Variants in TSGA10 observed in about 807,000 individuals in gnomAD.
The protein encoded by TSGA10 is testis-specific gene 10 protein.
TSGA10 carries 43 observed loss-of-function variants against 96.6 expected under a neutral mutation model. That is an observed-to-expected ratio of 0.44 (90% CI 0.35 to 0.57). The LOEUF is 0.57. Among genes scored for constraint, TSGA10 ranks in the 20% least tolerant of loss-of-function variants. The pLI is 0.01. For synonymous variants in TSGA10, 229 were observed against 269.9 expected (o/e 0.85, Z 1.48); for missense variants, 703 against 834.4 (o/e 0.84, Z 1.94).
intron 20 of TSGA10, among the ~76,000 whole-genome samples, chr2:99,009,388 G>A (rs555545105): frequency 4.0e-5 from 6 of 151,620 alleles, no homozygotes; most frequent in South Asian, 4.2e-4. Flanking sequence ...TGGCTAACAC[G>A]GTGAAAACCC....
chr2:99,145,153 C>T (rs2105130627), intron 1 of TSGA10, among the ~76,000 whole-genome samples: 1 of 152,268 alleles, frequency 6.6e-6, no homozygotes, highest in East Asian at 1.9e-4. Flanking sequence ...ACTGGCAGCC[C>T]ATGTTCCTTG....
chr2:99,020,845 A>C (rs1275826101), intron 17 of TSGA10, among the ~76,000 whole-genome samples: 2 of 151,846 alleles, frequency 1.3e-5, no homozygotes, highest in African/African-American at 4.8e-5. Context: ...ATGCTTATAG[A>C]ATGTCATTGG....
At chr2:99,018,719 G>T in intron 18 of TSGA10, 79 bp from the exon 19 acceptor site, 1 of 1,221,578 alleles carries the variant, frequency 8.2e-7, no homozygotes, top group Non-Finnish European at 1.1e-6. Context: ...AAACCATATT[G>T]ATAGTGGTTT....
Position 99,061,716 on chromosome 2 carries a change from C to T in TSGA10, c.1404+3223G>A, listed in dbSNP as rs184755435. Among the ~76,000 whole-genome samples the T allele has an allele frequency of 5.9e-3, 903 of 152,280 alleles. 5 individuals carry two copies. The highest frequency in any genetic ancestry group is 0.014 in the South Asian group (68 of 4,826). On this transcript the variant is annotated intron_variant, in intron 16 of 20. Transcript: ENST00000393483. ...ATGTTCACAGAAATTATATTCCTCA[C>T]GGCCAAAAACTAGAAACAACCTGTT...
chr2:99,063,125 T>C (rs1036164304), intron 16 of TSGA10, among the ~76,000 whole-genome samples: 1 of 152,206 alleles, frequency 6.6e-6, no homozygotes, highest in Non-Finnish European at 1.5e-5. Flanking sequence ...TTGACTTATA[T>C]TTCAGAGAAG....
intron 20 of TSGA10, among the ~76,000 whole-genome samples, chr2:99,013,376 A>G (rs1449011435): frequency 6.6e-6 from 1 of 152,120 alleles, no homozygotes; most frequent in Non-Finnish European, 1.5e-5. Flanking sequence ...TCTGTTGCTC[A>G]GGCTGGAATG....
chr2:99,086,930 C>T (rs1340349437), intron 10 of TSGA10, among the ~76,000 whole-genome samples: 4 of 151,906 alleles, frequency 2.6e-5, no homozygotes, highest in Admixed American at 6.6e-5. Context: ...GGGGGCCGGG[C>T]GCAGTGTCTC....
At chr2:99,093,417 G>A (rs1333974992) in intron 10 of TSGA10, among the ~76,000 whole-genome samples, 2 of 152,090 alleles carry the variant, frequency 1.3e-5, no homozygotes, top group Admixed American at 1.3e-4. Flanking sequence ...AATCAGACAA[G>A]AGAAGTAAAG....
intron 15 of TSGA10, among the ~76,000 whole-genome samples, chr2:99,067,044 T>G (rs1275877141): frequency 6.6e-6 from 1 of 152,254 alleles, no homozygotes; most frequent in Non-Finnish European, 1.5e-5. Context: ...AACAAAAGCT[T>G]CTGAAAATAG....
chr2:99,018,430 T>G, intron 19 of TSGA10, 81 bp from the exon 20 acceptor site: 2 of 1,574,986 alleles, frequency 1.3e-6, no homozygotes, highest in Non-Finnish European at 1.7e-6. Flanking sequence ...AATTCATACT[T>G]GAAAATCTAA....
chr2:99,121,675 T>C (rs2092581447), intron 2 of TSGA10, among the ~76,000 whole-genome samples: 1 of 152,070 alleles, frequency 6.6e-6, no homozygotes, highest in African/African-American at 2.4e-5. Context: ...TTTTGCCATG[T>C]TGGCCAGGCC....
chr2:99,063,679 A>G (rs2084937724), intron 16 of TSGA10, among the ~76,000 whole-genome samples: 1 of 151,764 alleles, frequency 6.6e-6, no homozygotes, highest in Admixed American at 6.6e-5. Flanking sequence ...GGTGGTGCGC[A>G]CCTGTAGTCC....
At chr2:99,110,282 A>T (rs1273965478) in intron 5 of TSGA10, among the ~76,000 whole-genome samples, 1 of 152,256 alleles carries the variant, frequency 6.6e-6, no homozygotes, top group Admixed American at 6.5e-5. Flanking sequence ...ACTTGTAAGC[A>T]TTCCCACAAA....
At chr2:99,026,962 C>G (rs2080652254) in intron 17 of TSGA10, among the ~76,000 whole-genome samples, 1 of 152,190 alleles carries the variant, frequency 6.6e-6, no homozygotes, top group Non-Finnish European at 1.5e-5. Flanking sequence ...CACCTCAGAT[C>G]ATCAGGCATT....
At chr2:99,116,644 GA>G (rs1389661288) in intron 4 of TSGA10, among the ~76,000 whole-genome samples, 2 of 145,142 alleles carry the variant, frequency 1.4e-5, no homozygotes, top group African/African-American at 5.1e-5. Flanking sequence ...TTCTTGAGGT[GA>G]AAAAAAAACC....
intron 18 of TSGA10, 89 bp downstream of exon 18, chr2:99,020,191 C>A: frequency 8.8e-7 from 1 of 1,137,552 alleles, no homozygotes; most frequent in Non-Finnish European, 1.3e-6. Context: ...GTATAGAAGG[C>A]AAATTCTCTA....
intron 7 of TSGA10, among the ~76,000 whole-genome samples, chr2:99,107,348 G>A (rs1280101594): frequency 2.6e-5 from 4 of 152,074 alleles, no homozygotes; most frequent in African/African-American, 9.7e-5. Flanking sequence ...AGGAGAAATT[G>A]TTAAATAAGA....
At chr2:99,066,832 C>T (rs1227894774) in intron 15 of TSGA10, among the ~76,000 whole-genome samples, 1 of 152,066 alleles carries the variant, frequency 6.6e-6, no homozygotes, top group Admixed American at 6.6e-5. Context: ...TCCACAGCTC[C>T]CTCTGGCCAC....
At chr2:99,120,353 G>A (rs1185558248) in intron 2 of TSGA10, among the ~76,000 whole-genome samples, 4 of 152,086 alleles carry the variant, frequency 2.6e-5, no homozygotes, top group Non-Finnish European at 5.9e-5. Context: ...ATGGGCTCTG[G>A]ACTTCGGCAG....
Sources: allele counts gnomAD v4.1 joint callset (sites outside exome capture counted in the v4.1 genomes callset), GRCh38; gene constraint gnomAD v4.1.1; transcripts MANE v1.5; gene names NCBI Gene and HGNC (gene_info 2026-07-23, HGNC 2026-07-21).